TMEFF2: variants seen among roughly 807,000 people sequenced by gnomAD.
TMEFF2 encodes transmembrane protein with EGF like and two follistatin like domains 2.
Under a neutral mutation model 53.8 loss-of-function variants are expected in TMEFF2, and 28 were observed. The ratio of observed to expected loss-of-function variants is 0.52; its 90% CI spans 0.39 to 0.71. The LOEUF (loss-of-function observed/expected upper bound fraction) is 0.71, where lower values mean the gene tolerates loss of function less well. Ranked by LOEUF, TMEFF2 falls within the 30% of genes least tolerant of loss-of-function variation. The pLI, the probability that TMEFF2 is intolerant of heterozygous loss-of-function variation, is 0.00. For synonymous variants in TMEFF2, 162 were observed against 166.3 expected, an observed-to-expected ratio of 0.97 and a Z score of 0.20; for missense variants, 353 against 455.2, an observed-to-expected ratio of 0.78 and a Z score of 2.04.
chr2:192,177,590 G>A (rs757429617), intron 4 of TMEFF2: 9 of 150,738 alleles, frequency 6.0e-5, no homozygotes, highest in Admixed American at 1.3e-4. Flanking sequence ...AGAATTAAAT[G>A]TGTTATATGC....
rs558922284 is a variant in TMEFF2 at position 192,047,426 on chromosome 2, G to A, written c.536+10253C>T. On this transcript the variant is annotated intron_variant, in intron 5 of 9. Transcript: ENST00000272771. Reference sequence around the variant, plus strand: ...TTATTACCATGGATAATATAATTTTGATTGTAGAAAGCTCATTTCAGGATG... The same window carrying A: ...TTATTACCATGGATAATATAATTTTAATTGTAGAAAGCTCATTTCAGGATG... Among the ~76,000 whole-genome samples, 6 of 152,152 alleles carry A rather than the reference G, an allele frequency of 3.9e-5. No homozygotes were observed. The East Asian group carries it at 1.2e-3, about 29-fold the overall frequency.
At chr2:191,964,386 CTTTCTTTCTTTCTCTTTCTT>C (rs1692397150) in intron 7 of TMEFF2, among the ~76,000 whole-genome samples, 7 of 35,068 alleles carry the variant, frequency 2.0e-4, no homozygotes, top group Non-Finnish European at 1.9e-4. Context: ...TTCTTTCTTT[CTTTCTTTCTTTCTCTTTCTT>C]TCTTTCTTTC....
intron 4 of TMEFF2, chr2:192,177,945 C>T (rs1017523585): frequency 6.6e-6 from 1 of 150,862 alleles, no homozygotes; most frequent in African/African-American, 2.4e-5. Context: ...ACAAAGTTCA[C>T]ATCTTATTGT....
At chr2:192,133,647 A>G (rs185893629) in intron 4 of TMEFF2, among the ~76,000 whole-genome samples, 1 of 152,236 alleles carries the variant, frequency 6.6e-6, no homozygotes, top group Admixed American at 6.5e-5. Flanking sequence ...ACAATCCGTT[A>G]TTCTGTTCTG....
chr2:192,020,731 C>T (rs1402251440), intron 5 of TMEFF2, among the ~76,000 whole-genome samples: 1 of 152,096 alleles, frequency 6.6e-6, no homozygotes, highest in Non-Finnish European at 1.5e-5. Context: ...AAGATGGTCT[C>T]TAGTTTGCAT....
At chr2:192,149,415 GA>G (rs759470665) in intron 4 of TMEFF2, among the ~76,000 whole-genome samples, 28 of 151,870 alleles carry the variant, frequency 1.8e-4, no homozygotes, top group Non-Finnish European at 3.2e-4. Flanking sequence ...AGAAGGAATT[GA>G]AAAAATAGCT....
At chr2:191,987,188 C>T (rs1049974319) in intron 7 of TMEFF2, among the ~76,000 whole-genome samples, 2 of 152,062 alleles carry the variant, frequency 1.3e-5, no homozygotes, top group Non-Finnish European at 2.9e-5. Context: ...CCTGCCCCTT[C>T]CCCAGACAAT....
intron 4 of TMEFF2, among the ~76,000 whole-genome samples, chr2:192,096,209 T>A (rs978665375): frequency 6.6e-6 from 1 of 152,186 alleles, no homozygotes; most frequent in Admixed American, 6.5e-5. Flanking sequence ...ATCAATGGAA[T>A]ATTCATTGGG....
At chr2:191,983,308 A>T (rs1447115987) in intron 7 of TMEFF2, among the ~76,000 whole-genome samples, 2 of 152,032 alleles carry the variant, frequency 1.3e-5, no homozygotes, top group Non-Finnish European at 2.9e-5. Flanking sequence ...AGGTGTCAGG[A>T]ATATTGATGG....
chr2:191,973,218 G>A (rs1004973960), intron 7 of TMEFF2, among the ~76,000 whole-genome samples: 2 of 152,016 alleles, frequency 1.3e-5, no homozygotes, highest in African/African-American at 4.8e-5. Flanking sequence ...AAGATAAAAA[G>A]TTCATAGATT....
intron 4 of TMEFF2, among the ~76,000 whole-genome samples, chr2:192,176,356 C>T (rs1263645683): frequency 6.6e-6 from 1 of 151,318 alleles, no homozygotes. Flanking sequence ...CCATAAATGG[C>T]GGGTCCTATG....
intron 4 of TMEFF2, among the ~76,000 whole-genome samples, chr2:192,175,464 C>G (rs574417111): frequency 4.6e-5 from 7 of 151,458 alleles, no homozygotes; most frequent in Non-Finnish European, 1.0e-4. Context: ...AACCATATGT[C>G]AACTGATTTT....
intron 8 of TMEFF2, among the ~76,000 whole-genome samples, chr2:191,955,719 G>C (rs1432895973): frequency 1.3e-5 from 2 of 151,542 alleles, no homozygotes; most frequent in African/African-American, 2.4e-5. Context: ...TTGAAACTGG[G>C]GGGGTATGGC....
intron 4 of TMEFF2, among the ~76,000 whole-genome samples, chr2:192,104,509 A>G (rs980251195): frequency 4.6e-5 from 7 of 152,166 alleles, no homozygotes; most frequent in African/African-American, 7.2e-5. Context: ...GCAATATATG[A>G]AACCATTAAA....
intron 5 of TMEFF2, among the ~76,000 whole-genome samples, chr2:192,001,520 A>G (rs1054315788): frequency 6.6e-6 from 1 of 152,132 alleles, no homozygotes; most frequent in Admixed American, 6.6e-5. Context: ...AAAATGGTGC[A>G]AAGGGAATAG....
At chr2:192,039,541 TTAG>T (rs1687422399) in intron 5 of TMEFF2, among the ~76,000 whole-genome samples, 1 of 152,196 alleles carries the variant, frequency 6.6e-6, no homozygotes, top group Non-Finnish European at 1.5e-5. Context: ...TCTTTTATTC[TTAG>T]TAGTAAAATA....
At chr2:192,104,452 G>A (rs1689100942) in intron 4 of TMEFF2, among the ~76,000 whole-genome samples, 1 of 151,972 alleles carries the variant, frequency 6.6e-6, no homozygotes, top group Admixed American at 6.6e-5. Flanking sequence ...TATAACCCTG[G>A]AAACTCATTA....
At chr2:192,104,153 AG>A (rs1689095270) in intron 4 of TMEFF2, among the ~76,000 whole-genome samples, 1 of 152,144 alleles carries the variant, frequency 6.6e-6, no homozygotes, top group Non-Finnish European at 1.5e-5. Flanking sequence ...TTAAGGTAAA[AG>A]GGGGTAGCAG....
chr2:192,033,564 A>G (rs570218485), intron 5 of TMEFF2, among the ~76,000 whole-genome samples: 25 of 151,256 alleles, frequency 1.7e-4, no homozygotes, highest in Admixed American at 6.6e-4. Flanking sequence ...GCTCTCTCAA[A>G]ATACCAAGCT....
Sources: gnomAD v4.1 joint callset for allele counts (sites outside exome capture counted in the v4.1 genomes callset) on GRCh38, gnomAD v4.1.1 for gene constraint, MANE v1.5 for transcripts, NCBI Gene and HGNC (gene_info 2026-07-23, HGNC 2026-07-21) for gene names.